The following GALNT17 variants were observed in gnomAD, a reference collection of about 807,000 sequenced individuals.
GALNT17 encodes the protein polypeptide N-acetylgalactosaminyltransferase 17.
GALNT17 carries 29 observed loss-of-function variants against 63.7 expected under a neutral mutation model. The ratio of observed to expected loss-of-function variants is 0.46; its 90% CI spans 0.34 to 0.62. The LOEUF is 0.62. Ranked by LOEUF, GALNT17 falls within the 20% of genes least tolerant of loss-of-function variation. The pLI is 0.01. For synonymous variants in GALNT17, 305 were observed against 318.3 expected, an observed-to-expected ratio of 0.96 and a Z score of 0.45; for missense variants, 603 against 799.6, an observed-to-expected ratio of 0.75 and a Z score of 2.97.
intron 5 of GALNT17, among the ~76,000 whole-genome samples, chr7:71,483,942 G>A (rs1787865073): frequency 6.6e-6 from 1 of 152,074 alleles, no homozygotes; most frequent in Non-Finnish European, 1.5e-5. Flanking sequence ...ACAGGGTCAG[G>A]ATCGTCAATA....
chr7:71,261,253 C>T (rs1790380661), intron 1 of GALNT17, among the ~76,000 whole-genome samples: 1 of 152,126 alleles, frequency 6.6e-6, no homozygotes, highest in Admixed American at 6.5e-5. Flanking sequence ...TCATGGGCCC[C>T]TGTTCCCTTT....
intron 2 of GALNT17, among the ~76,000 whole-genome samples, chr7:71,387,336 G>A (rs569444648): frequency 4.6e-4 from 69 of 151,212 alleles, no homozygotes; most frequent in African/African-American, 1.6e-3. Context: ...TTTGGGGGGC[G>A]GGGAGGGGGA....
intron 2 of GALNT17, among the ~76,000 whole-genome samples, chr7:71,373,835 T>C (rs1158309785): frequency 1.3e-5 from 2 of 152,074 alleles, no homozygotes; most frequent in East Asian, 3.9e-4. Flanking sequence ...TTGGGGGCCG[T>C]TGCTCTATAC....
chr7:71,300,764 C>A lies in GALNT17; in HGVS notation c.239-34786C>A, dbSNP rs564882028. 1.7e-4 allele frequency: 36 copies of A among 211,512 alleles called. 1 individual carries two copies. Among genetic ancestry groups the A allele is most frequent in the Non-Finnish European group, 3.1e-4 (32 of 103,274 alleles). 13.1% of individuals were successfully genotyped at this position (211,512 alleles called of 1,614,324 possible). On this transcript the variant is annotated intron_variant, in intron 1 of 10. Transcript: ENST00000333538. ...TGCGTCTCCTCTCAGCTAGGACTTT[C>A]TGTTTGCACAGCCGAGGCCTGCAGG...
chr7:71,503,955 G>A (rs1442451219), intron 5 of GALNT17, among the ~76,000 whole-genome samples: 7 of 151,942 alleles, frequency 4.6e-5, no homozygotes, highest in East Asian at 2.0e-4. Context: ...ATGGCCAGGC[G>A]CGGTGGCTCA....
At chr7:71,385,195 G>A (rs2960864) in intron 2 of GALNT17, among the ~76,000 whole-genome samples, 1 of 152,078 alleles carries the variant, frequency 6.6e-6, no homozygotes, top group African/African-American at 2.4e-5. Flanking sequence ...TGAGCCAAGC[G>A]ATACCGAGAA....
rs1350497176 is a variant in GALNT17, at chr7:71,279,001, C to G, written c.239-56549C>G. Among the ~76,000 whole-genome samples, 5 of 151,960 alleles carry G rather than the reference C, an allele frequency of 3.3e-5. No individual in the cohort carries two copies. In the East Asian group the frequency reaches 9.7e-4, roughly 29 times the overall value. On this transcript the variant is annotated intron_variant, in intron 1 of 10. Coordinates refer to ENST00000333538, the MANE Select transcript of GALNT17 (RefSeq NM_022479.3). ...AGTGTATTAGCGCAATCTTGGCTCACTGCAACCTCCACCTCCCGAGTTCAA... is the reference window on the plus strand; with the variant it reads ...AGTGTATTAGCGCAATCTTGGCTCAGTGCAACCTCCACCTCCCGAGTTCAA...
chr7:71,159,244 A>C (rs919650959), intron 1 of GALNT17, among the ~76,000 whole-genome samples: 14 of 114,160 alleles, frequency 1.2e-4, no homozygotes, highest in African/African-American at 5.6e-4. Context: ...TTTAACTCAA[A>C]TGTGCCTTTT....
intron 1 of GALNT17, among the ~76,000 whole-genome samples, chr7:71,201,241 T>C (rs11981951): frequency 2.9e-5 from 4 of 138,434 alleles, no homozygotes; most frequent in African/African-American, 1.1e-4. Context: ...GTGTTTATTT[T>C]TATATATATA....
At chr7:71,336,032 C>CTTTTTTTTT (rs1167623885) in intron 2 of GALNT17, among the ~76,000 whole-genome samples, 1 of 21,288 alleles carries the variant, frequency 4.7e-5, no homozygotes, top group Non-Finnish European at 8.6e-5. Context: ...TTCTTTCTTC[C>CTTTTTTTTT]TTTTTTTTTT....
chr7:71,710,736 C>A (rs770567809), intron 9 of GALNT17, 25 bp from the exon 10 acceptor site: 3 of 1,610,090 alleles, frequency 1.9e-6, no homozygotes, highest in Non-Finnish European at 2.5e-6. Flanking sequence ...ACTTCCATTC[C>A]CCTGCTGCTC....
chr7:71,379,652 T>C (rs1792808407), intron 2 of GALNT17, among the ~76,000 whole-genome samples: 1 of 152,124 alleles, frequency 6.6e-6, no homozygotes, highest in Non-Finnish European at 1.5e-5. Flanking sequence ...GACTTGAATT[T>C]GACTCCTGAA....
intron 1 of GALNT17, among the ~76,000 whole-genome samples, chr7:71,251,457 T>G (rs1474762672): frequency 6.6e-6 from 1 of 152,240 alleles, no homozygotes; most frequent in African/African-American, 2.4e-5. Context: ...TTGCCCAGGC[T>G]GGAGTGCAGT....
intron 8 of GALNT17, among the ~76,000 whole-genome samples, chr7:71,676,977 G>C (rs1240939631): frequency 1.3e-5 from 2 of 152,134 alleles, no homozygotes; most frequent in East Asian, 1.9e-4. Context: ...GTGAGGGTGG[G>C]GGGGCAAGCT....
chr7:71,330,376 A>G (rs571741713), intron 1 of GALNT17, among the ~76,000 whole-genome samples: 2 of 151,606 alleles, frequency 1.3e-5, no homozygotes, highest in East Asian at 2.0e-4. Flanking sequence ...TTTTCCAGAG[A>G]TAAGGTCTTC....
chr7:71,552,014 A>T (rs555298092), intron 5 of GALNT17, among the ~76,000 whole-genome samples: 19 of 2,146 alleles, frequency 8.9e-3, no homozygotes, highest in African/African-American at 0.015. Flanking sequence ...TGCTCTTTTT[A>T]TTTATTTATT....
At chr7:71,244,693 G>A (rs564179026) in intron 1 of GALNT17, among the ~76,000 whole-genome samples, 17 of 152,262 alleles carry the variant, frequency 1.1e-4, no homozygotes, top group African/African-American at 2.6e-4. Flanking sequence ...GCCCAGGTGC[G>A]GTGGCTCATG....
At chr7:71,565,444 G>A (rs1037672707) in intron 5 of GALNT17, among the ~76,000 whole-genome samples, 62 of 151,670 alleles carry the variant, frequency 4.1e-4, no homozygotes, top group African/African-American at 1.4e-3. Flanking sequence ...CTTCTCTACT[G>A]TCCTCTCCTT....
At chr7:71,280,869 C>T (rs1390616570) in intron 1 of GALNT17, among the ~76,000 whole-genome samples, 4 of 152,128 alleles carry the variant, frequency 2.6e-5, no homozygotes, top group Admixed American at 2.6e-4. Flanking sequence ...GCATCACATG[C>T]CCACTTGGAG....
Sources: gnomAD v4.1 joint callset for allele counts (sites outside exome capture counted in the v4.1 genomes callset) on GRCh38, gnomAD v4.1.1 for gene constraint, MANE v1.5 for transcripts, NCBI Gene and HGNC (gene_info 2026-07-23, HGNC 2026-07-21) for gene names.